SDC3: variants seen among roughly 807,000 people sequenced by gnomAD.
The protein encoded by SDC3 is syndecan-3.
A neutral mutation model predicts 24.4 loss-of-function variants in SDC3; 13 were observed. The observed-to-expected ratio is 0.53, with a 90% confidence interval of 0.35 to 0.85. SDC3 has a LOEUF of 0.85. Ranked by LOEUF, SDC3 falls within the 40% of genes least tolerant of loss-of-function variation. The probability of loss-of-function intolerance (pLI) is 0.01; values close to 1 mark genes in which losing one functional copy is unlikely to be tolerated. For missense variants in SDC3, 571 were observed against 584.5 expected (o/e 0.98, Z 0.24); for synonymous variants, 295 against 260.9 (o/e 1.13, Z -1.26).
rs1410170145 is a variant in SDC3, at chr1:30,874,394, G to A, written c.1065C>T (p.Arg355=). 4.3e-6 allele frequency: 7 copies of A among 1,613,942 alleles called. No individual in the cohort carries two copies. Among genetic ancestry groups the A allele is most frequent in the African/African-American group, 4.0e-5 (3 of 74,936 alleles). ...SPPGTLPKGA[R]PGPGLLDNAI... Reference sequence around the variant, plus strand: ...CATTGTCCAGGAGGCCAGGGCCCGGGCGGGCACCCTTGGGCAGTGTCCCAG... The same window carrying A: ...CATTGTCCAGGAGGCCAGGGCCCGGACGGGCACCCTTGGGCAGTGTCCCAG... Residue 355 remains arginine, a synonymous_variant, in exon 4 of 5, where the codon CGC becomes CGT. Coordinates refer to ENST00000339394, the MANE Select transcript of SDC3 (RefSeq NM_014654.4).
intron 1 of SDC3, among the ~76,000 whole-genome samples, chr1:30,887,521 C>T (rs947064420): frequency 6.6e-6 from 1 of 152,162 alleles, no homozygotes; most frequent in African/African-American, 2.4e-5. Context: ...CAAAGCTCAC[C>T]TCCCTGAACC....
intron 1 of SDC3, among the ~76,000 whole-genome samples, chr1:30,906,768 T>C (rs1469617741): frequency 2.0e-5 from 3 of 152,042 alleles, no homozygotes; most frequent in Non-Finnish European, 4.4e-5. Flanking sequence ...GGTAGCAGGA[T>C]TGGAACCCAG....
At chr1:30,893,393 A>G (rs1639937595) in intron 1 of SDC3, among the ~76,000 whole-genome samples, 1 of 148,802 alleles carries the variant, frequency 6.7e-6, no homozygotes, top group South Asian at 2.1e-4. Flanking sequence ...CACCAGCGGG[A>G]CTGTTCTGGA....
At chr1:30,908,340 G>C (rs1341198725) in intron 1 of SDC3, 109 bp downstream of exon 1, 7 of 560,376 alleles carry the variant, frequency 1.2e-5, no homozygotes, top group Non-Finnish European at 1.6e-5. Flanking sequence ...GAAGCAGCCG[G>C]GGGGGAGGGA....
intron 1 of SDC3, among the ~76,000 whole-genome samples, chr1:30,903,750 A>C (rs1418784590): frequency 6.6e-6 from 1 of 152,180 alleles, no homozygotes; most frequent in Non-Finnish European, 1.5e-5. Flanking sequence ...GGGGGTAGGG[A>C]GGCCCCAGAG....
rs560390978 is a variant in SDC3 at position 30,870,261 on chromosome 1, C to T, written c.*2950G>A. ...GCCTCCAGCGATCAAGGGGACCAGT[C>T]TTTCAGGCAAGGCCCCCATCTGGCC... On this transcript the variant is annotated 3_prime_UTR_variant, in exon 5 of 5. Coordinates refer to ENST00000339394, the MANE Select transcript of SDC3 (RefSeq NM_014654.4). 4.4e-5 allele frequency: 9 copies of T among 206,002 alleles called. No homozygotes were observed. The highest frequency in any genetic ancestry group is 2.4e-4 in the Admixed American group (4 of 16,780). 12.8% of individuals were successfully genotyped at this position (206,002 alleles called of 1,614,324 possible).
intron 1 of SDC3, among the ~76,000 whole-genome samples, chr1:30,891,692 A>T (rs1047260058): frequency 1.3e-5 from 2 of 151,982 alleles, no homozygotes; most frequent in African/African-American, 4.8e-5. Context: ...GTCTCTACTA[A>T]AAATACAAAA....
intron 1 of SDC3, among the ~76,000 whole-genome samples, chr1:30,891,869 GGAA>G (rs1228313949): frequency 3.4e-5 from 5 of 148,242 alleles, no homozygotes; most frequent in African/African-American, 7.4e-5. Context: ...AAAAAAAAGA[GGAA>G]GAAGAAGAAG....
intron 1 of SDC3, among the ~76,000 whole-genome samples, chr1:30,892,928 G>A (rs978883217): frequency 7.2e-5 from 11 of 152,196 alleles, no homozygotes; most frequent in Admixed American, 2.0e-4. Context: ...AGCCTCCCCC[G>A]GCAGGATCAG....
upstream of SDC3, among the ~76,000 whole-genome samples, chr1:30,909,544 T>C (rs959521333): frequency 6.6e-6 from 1 of 152,162 alleles, no homozygotes; most frequent in South Asian, 2.1e-4. Flanking sequence ...GTGGTCTTTC[T>C]ACCCTGTGTG....
At chr1:30,879,793 T>C (rs189709720) in intron 1 of SDC3, among the ~76,000 whole-genome samples, 1 of 152,172 alleles carries the variant, frequency 6.6e-6, no homozygotes, top group Admixed American at 6.5e-5. Context: ...CTGAAGTAAA[T>C]GTGGGTGCCA....
At chr1:30,877,190 G>A (rs1336302669) in intron 2 of SDC3, 25 bp from the exon 3 acceptor site, 10 of 1,613,184 alleles carry the variant, frequency 6.2e-6, no homozygotes, top group South Asian at 2.2e-5. Context: ...GAGAGGGAGA[G>A]AGCTAGGGAG....
chr1:30,873,502 T>C (rs1254238851), intron 4 of SDC3, 125 bp from the exon 5 acceptor site: 3 of 651,400 alleles, frequency 4.6e-6, no homozygotes, highest in Non-Finnish European at 2.7e-6. Flanking sequence ...GGAGTGATGA[T>C]GGAGTCAATA....
At chr1:30,877,249 A>T in intron 2 of SDC3, 84 bp from the exon 3 acceptor site, 1 of 1,556,662 alleles carries the variant, frequency 6.4e-7, no homozygotes, top group Non-Finnish European at 8.8e-7. Flanking sequence ...AATGGCCATC[A>T]AGATTAGGTC....
rs116499834 is a variant in SDC3 at position 30,878,761 on chromosome 1, C to T, written c.139-21G>A. On this transcript the variant is annotated intron_variant, in intron 1 of 4. Coordinates refer to ENST00000339394, the MANE Select transcript of SDC3 (RefSeq NM_014654.4). ...TGGGCCTAGGGAAGGTAGAGGTGGA[C>T]ACAGGGCTCGGCACCCGAGACTGGC... 7 of 1,608,312 alleles carry T rather than the reference C, an allele frequency of 4.4e-6. No individual in the cohort carries two copies. The Admixed American group carries it at 1.2e-4, about 27-fold the overall frequency.
At chr1:30,875,492 C>T (rs1171349142) in intron 3 of SDC3, among the ~76,000 whole-genome samples, 8 of 152,194 alleles carry the variant, frequency 5.3e-5, no homozygotes, top group Admixed American at 5.2e-4. Context: ...GGGACTGACA[C>T]TGACCCCAAG....
rs2488238 is a variant in SDC3, at chr1:30,872,105, C to T, written c.*1106G>A. ...TGTGTCTGACACTGGCTGGGGTTGG[C>T]GGCTGCATGGTTGGTGTGGGCACCA... is the stretch of plus-strand genomic sequence containing the variant. On this transcript the variant is annotated 3_prime_UTR_variant, in exon 5 of 5. Transcript: ENST00000339394. 66,173 of 152,324 alleles carry T rather than the reference C, an allele frequency of 0.43. 15,997 individuals carry two copies. Among genetic ancestry groups the T allele is most frequent in the Non-Finnish European group, 0.54 (36,996 of 68,144 alleles). 9.4% of individuals were successfully genotyped at this position (152,324 alleles called of 1,614,324 possible). A position where few individuals can be genotyped will look rare whatever the true frequency, so the allele number is the denominator to read the frequency against.
rs776968343 is a variant in SDC3, at chr1:30,894,292, AGAGT to A, written c.138+14153_138+14156del. ...GGGTGAGTGTGTGTGGGGGAGTGAG[AGAGT>A]GTGTGGGGGTGTGTGTGCATGAGTG... On this transcript the variant is annotated intron_variant, in intron 1 of 4. Coordinates refer to ENST00000339394, the MANE Select transcript of SDC3 (RefSeq NM_014654.4). Among the ~76,000 whole-genome samples, 289 of 102,828 alleles carry A rather than the reference AGAGT, an allele frequency of 2.8e-3. 1 individual carries two copies. Among genetic ancestry groups the A allele is most frequent in the Non-Finnish European group, 2.3e-3 (119 of 51,774 alleles). 67.5% of individuals were successfully genotyped at this position (102,828 alleles called of 152,430 possible). A position where few individuals can be genotyped will look rare whatever the true frequency, so the allele number is the denominator to read the frequency against.
intron 1 of SDC3, among the ~76,000 whole-genome samples, chr1:30,894,636 TGGGTGTGTGTG>T (rs1377655652): frequency 5.4e-4 from 19 of 35,508 alleles, no homozygotes; most frequent in Non-Finnish European, 1.1e-3. Flanking sequence ...TGAGAGTGTG[TGGGTGTGTGTG>T]GGGTGTGTGT....
Sources: allele counts gnomAD v4.1 joint callset (sites outside exome capture counted in the v4.1 genomes callset), GRCh38; gene constraint gnomAD v4.1.1; transcripts MANE v1.5; gene names NCBI Gene and HGNC (gene_info 2026-07-23, HGNC 2026-07-21).